Variants in DISP2 observed in about 807,000 individuals in gnomAD.
DISP2 encodes protein dispatched homolog 2.
DISP2 carries 59 observed loss-of-function variants against 95.5 expected under a neutral mutation model. The observed-to-expected ratio is 0.62, with a 90% CI of 0.50 to 0.77. DISP2 has a LOEUF of 0.77. Among genes scored for constraint, DISP2 ranks in the 30% least tolerant of loss-of-function variants. The probability of loss-of-function intolerance (pLI) is 0.00; values close to 1 mark genes in which losing one functional copy is unlikely to be tolerated. For synonymous variants in DISP2, 827 were observed against 815.0 expected (o/e 1.01, Z -0.25); for missense variants, 1,752 against 1,854.6 (o/e 0.94, Z 1.02).
At chr15:40,361,377 G>A (rs774823399) in intron 1 of DISP2, among the ~76,000 whole-genome samples, 5 of 152,350 alleles carry the variant, frequency 3.3e-5, no homozygotes, top group South Asian at 4.1e-4. Flanking sequence ...TGCACTGACC[G>A]TGGGAAGGGG....
chr15:40,364,392 A>T (rs1483239248), intron 3 of DISP2, 29 bp from the exon 4 acceptor site: 1 of 1,613,048 alleles, frequency 6.2e-7, no homozygotes, highest in South Asian at 1.1e-5. Flanking sequence ...ACCACACCCA[A>T]CTCATGTGGA....
At position 40,375,767 on chromosome 15, in the gene DISP2, TC is replaced by T. The variant is rs1889723934; in HGVS notation, c.*5450del. The stretch of plus-strand genomic sequence containing the variant: ...CTCCCCTACAAGGACATGAAGACTT[TC>T]TAGAAGGTAGGTGGACACAGATAGT... On this transcript the variant is annotated 3_prime_UTR_variant, in exon 8 of 8. Coordinates refer to ENST00000267889, the MANE Select transcript of DISP2 (RefSeq NM_033510.3). The T allele has an allele frequency of 1.3e-5, 2 of 152,186 alleles. No individual in the cohort carries two copies. The highest frequency in any genetic ancestry group is 2.9e-5 in the Non-Finnish European group (2 of 68,022). The allele number at this position is 152,186 out of a possible 1,614,324, so 9.4% of individuals were successfully genotyped here.
Position 40,368,326 on chromosome 15 carries a change from G to A in DISP2, c.2214G>A (p.Gln738=). 6.2e-7 allele frequency: 1 copy of A among 1,603,826 alleles called. No homozygotes were observed. Among genetic ancestry groups the A allele is most frequent in the Non-Finnish European group, 8.5e-7 (1 of 1,176,876 alleles). ...CCACGCTGCCGCCGCCCGGCGGCCA[G>A]GTCTTCCGGCCCAGCCACCCCTTCG... The part of the protein sequence containing the change: ...RLPTLPPPGG[Q]VFRPSHPFER... Residue 738 remains glutamine, a synonymous_variant, in exon 8 of 8, where the codon CAG becomes CAA. Coordinates refer to ENST00000267889, the MANE Select transcript of DISP2 (RefSeq NM_033510.3).
In DISP2 at chr15:40,367,600, G is replaced by A; in HGVS notation, c.1488G>A (p.Leu496=). The stretch of plus-strand genomic sequence containing the variant: ...ACACGGTGTACCCCTTGCTGGCTCT[G>A]GTTGCCATCTTCTTCGGCATGGCCC... ...VQDTVYPLLA[L]VAIFFGMALY... is the part of the protein sequence containing the mutation. Residue 496 remains leucine (L), a synonymous_variant, in exon 8 of 8, where the codon CTG becomes CTA. Coordinates refer to ENST00000267889, the MANE Select transcript of DISP2 (RefSeq NM_033510.3). 4 of 1,613,988 alleles carry A rather than the reference G, an allele frequency of 2.5e-6. No individual in the cohort carries two copies. The highest frequency in any genetic ancestry group is 3.4e-6 in the Non-Finnish European group (4 of 1,180,000).
rs1386803693 is a variant in DISP2 at position 40,367,868 on chromosome 15, A to G, written c.1756A>G (p.Met586Val). 6.3e-7 allele frequency: 1 copy of G among 1,599,966 alleles called. No homozygotes were observed. Among genetic ancestry groups the G allele is most frequent in the South Asian group, 1.1e-5 (1 of 90,990 alleles). ...GCTGGCGCAGCGCGTGGGCCGCACCATGCACCACTTCGGCTACCTGCTGCT... is the reference window on the plus strand; with the variant it reads ...GCTGGCGCAGCGCGTGGGCCGCACCGTGCACCACTTCGGCTACCTGCTGCT... ...GGLAQRVGRT[M>V]HHFGYLLLVS... is the part of the protein sequence containing the mutation. Residue 586 changes from methionine (M) to valine (V), a missense_variant, in exon 8 of 8, where the codon ATG (methionine) becomes GTG (valine). Coordinates refer to ENST00000267889, the MANE Select transcript of DISP2 (RefSeq NM_033510.3).
At chr15:40,362,492 C>T (rs1889420861) in intron 1 of DISP2, among the ~76,000 whole-genome samples, 1 of 152,010 alleles carries the variant, frequency 6.6e-6, no homozygotes, top group Admixed American at 6.6e-5. Flanking sequence ...CTGTGCAAGG[C>T]ACTACCAAGG....
At chr15:40,365,104 C>T (rs373579184) in intron 5 of DISP2, 43 bp from the exon 6 acceptor site, 2 of 1,604,072 alleles carry the variant, frequency 1.2e-6, no homozygotes, top group Non-Finnish European at 1.7e-6. Flanking sequence ...TCTGAGTCTT[C>T]CAACCCTAAT....
At position 40,367,814 on chromosome 15, in the gene DISP2, C is replaced by T. The variant is rs750601937; in HGVS notation, c.1702C>T (p.Leu568Phe). 2 of 1,604,512 alleles carry T rather than the reference C, an allele frequency of 1.2e-6. No homozygotes were observed. The highest frequency in any genetic ancestry group is 1.7e-6 in the Non-Finnish European group (2 of 1,179,972). Residue 568 changes from leucine to phenylalanine, a missense_variant, in exon 8 of 8, where the codon CTT becomes TTT. Transcript: ENST00000267889. Reference protein sequence around the residue: ...HTLIFFDLWRLSKSQLPSGGL... With the variant: ...HTLIFFDLWRFSKSQLPSGGL... ...GCTCATCTTCTTCGACCTGTGGCGC[C>T]TTAGCAAGAGCCAGCTGCCGTCGGG... is the stretch of plus-strand genomic sequence containing the variant.
Position 40,368,210 on chromosome 15 carries a change from A to T in DISP2, c.2098A>T (p.Ile700Phe). 1 of 1,609,556 alleles carries T rather than the reference A, an allele frequency of 6.2e-7. No homozygotes were observed. Among genetic ancestry groups the T allele is most frequent in the Non-Finnish European group, 8.5e-7 (1 of 1,178,932 alleles). The change falls in exon 8 of 8, where the codon ATC (isoleucine) becomes TTC (phenylalanine). Residue 700 changes from isoleucine to phenylalanine, a missense_variant. Ile to Phe is a conservative substitution (Grantham distance 21). Coordinates refer to ENST00000267889, the MANE Select transcript of DISP2 (RefSeq NM_033510.3). ...LFQRLLPCGV[I>F]KFRYIWICWF... Reference sequence around the variant, plus strand: ...CCAGCGCCTGCTGCCCTGCGGCGTCATCAAGTTCCGCTACATCTGGATCTG... The same window carrying T: ...CCAGCGCCTGCTGCCCTGCGGCGTCTTCAAGTTCCGCTACATCTGGATCTG...
rs4514650 is a variant in DISP2 at position 40,370,300 on chromosome 15, G to A, written c.4188G>A (p.Thr1396=). The change falls in exon 8 of 8, where the codon ACG becomes ACA. Residue 1396 remains threonine, a synonymous_variant. Transcript: ENST00000267889. ...GGCTGCGCAGGCCCAGCACTCACAC[G>A]TCAGGCTATAGCAGCTGAGGGGGAC... ...DVWLRRPSTH[T]SGYSS 189,209 of 1,541,716 alleles carry A rather than the reference G, an allele frequency of 0.12. 19,290 individuals are homozygous for A. The highest frequency in any genetic ancestry group is 0.56 in the East Asian group (24,587 of 44,164).
In DISP2 at chr15:40,368,054, C is replaced by G. The variant is rs999588181; in HGVS notation, c.1942C>G (p.Leu648Val). ...PASAVLHERY[L>V]ARGCARRARG... Reference sequence around the variant, plus strand: ...CTCCGCCGTGCTCCACGAGCGCTACCTGGCGCGCGGCTGTGCGCGCCGGGC... The same window carrying G: ...CTCCGCCGTGCTCCACGAGCGCTACGTGGCGCGCGGCTGTGCGCGCCGGGC... Residue 648 changes from leucine to valine, a missense_variant, in exon 8 of 8, where the codon CTG (leucine) becomes GTG (valine). Around this residue, in one of 5 missense-constraint regions of DISP2, gnomAD observed 732 missense variants for 714.6 expected, o/e 1.02. Coordinates refer to ENST00000267889, the MANE Select transcript of DISP2 (RefSeq NM_033510.3). 1.3e-6 allele frequency: 2 copies of G among 1,516,240 alleles called. No homozygotes were observed. The highest frequency in any genetic ancestry group is 1.4e-5 in the African/African-American group (1 of 71,294). The allele number at this position is 1,516,240 out of a possible 1,614,324, so 93.9% of individuals were successfully genotyped here. A position where few individuals can be genotyped will look rare whatever the true frequency, so the allele number is the denominator to read the frequency against.
intron 1 of DISP2, among the ~76,000 whole-genome samples, chr15:40,362,771 G>A (rs1889425090): frequency 6.6e-6 from 1 of 152,206 alleles, no homozygotes; most frequent in Admixed American, 6.5e-5. Context: ...TATCGGGGGG[G>A]ATAGAGCAAC....
chr15:40,369,720 G>A lies in DISP2; in HGVS notation c.3608G>A (p.Cys1203Tyr). 3 of 1,610,746 alleles carry A rather than the reference G, an allele frequency of 1.9e-6. No homozygotes were observed. Among genetic ancestry groups the A allele is most frequent in the Middle Eastern group, 1.7e-4 (1 of 6,060 alleles). Residue 1203 changes from cysteine (C) to tyrosine (Y), a missense_variant, in exon 8 of 8, where the codon TGC (cysteine) becomes TAC (tyrosine). This residue lies in a region of DISP2 where 347 missense variants were observed against 344.2 expected (regional missense o/e 1.01). Coordinates refer to ENST00000267889, the MANE Select transcript of DISP2 (RefSeq NM_033510.3). ...GATCTGCAGCTCCATGATGGTCCGT[G>A]CTGTTCCCGGCCCCCACCAGCCCCT... ...SEDLQLHDGP[C>Y]CSRPPPAPAS...
rs1889673724 is a variant in DISP2, at chr15:40,373,138, G to A, written c.*2820G>A. The A allele has an allele frequency of 6.6e-6, 1 of 152,200 alleles. No homozygotes were observed. Among genetic ancestry groups the A allele is most frequent in the Non-Finnish European group, 1.5e-5 (1 of 68,042 alleles). 9.4% of individuals were successfully genotyped at this position (152,200 alleles called of 1,614,324 possible). Reference sequence around the variant, plus strand: ...TTAAAGCACTTCCTATTTCCTTTGAGTTGCAGCAGATCCTTTGCTTTATTA... The same window carrying A: ...TTAAAGCACTTCCTATTTCCTTTGAATTGCAGCAGATCCTTTGCTTTATTA... On this transcript the variant is annotated 3_prime_UTR_variant, in exon 8 of 8. Transcript: ENST00000267889.
Position 40,371,537 on chromosome 15 carries a change from G to A in DISP2, c.*1219G>A, listed in dbSNP as rs1163831324. 1.3e-5 allele frequency: 2 copies of A among 152,268 alleles called. No homozygotes were observed. The highest frequency in any genetic ancestry group is 2.9e-5 in the Non-Finnish European group (2 of 68,076). The allele number at this position is 152,268 out of a possible 1,614,324, so 9.4% of individuals were successfully genotyped here. A position where few individuals can be genotyped will look rare whatever the true frequency, so the allele number is the denominator to read the frequency against. ...AGAAGAGGTACTGAGGGGCAGAAGA[G>A]GTGAAGCCAAATCCAATCAAGGCAG... On this transcript the variant is annotated 3_prime_UTR_variant, in exon 8 of 8. Coordinates refer to ENST00000267889, the MANE Select transcript of DISP2 (RefSeq NM_033510.3).
chr15:40,364,356 G>A (rs1889459401), intron 3 of DISP2, 65 bp from the exon 4 acceptor site: 2 of 1,613,332 alleles, frequency 1.2e-6, no homozygotes, highest in Admixed American at 3.3e-5. Flanking sequence ...CCTTCTGGGT[G>A]GAGCCTGAGC....
intron 7 of DISP2, among the ~76,000 whole-genome samples, 193 bp downstream of exon 7, chr15:40,365,918 G>A (rs1889491552): frequency 6.6e-6 from 1 of 152,232 alleles, no homozygotes; most frequent in South Asian, 2.1e-4. Context: ...GCTGTTTTTA[G>A]AAGAGCCAAG....
rs747083128 is a variant in DISP2, at chr15:40,367,827, A to T, written c.1715A>T (p.Gln572Leu). 6.2e-7 allele frequency: 1 copy of T among 1,602,760 alleles called. No individual in the cohort carries two copies. The part of the protein sequence containing the change: ...FFDLWRLSKS[Q>L]LPSGGLAQRV... ...GACCTGTGGCGCCTTAGCAAGAGCCAGCTGCCGTCGGGGGGGCTGGCGCAG... is the reference window on the plus strand; with the variant it reads ...GACCTGTGGCGCCTTAGCAAGAGCCTGCTGCCGTCGGGGGGGCTGGCGCAG... Residue 572 changes from glutamine (Q) to leucine (L), a missense_variant, in exon 8 of 8, where the codon CAG becomes CTG. This residue lies in a region of DISP2 where 732 missense variants were observed against 714.6 expected (regional missense o/e 1.02). Coordinates refer to ENST00000267889, the MANE Select transcript of DISP2 (RefSeq NM_033510.3).
At position 40,363,937 on chromosome 15, in the gene DISP2, C is replaced by A; in HGVS notation, c.432C>A (p.His144Gln). The change falls in exon 2 of 8, where the codon CAC (histidine) becomes CAA (glutamine). Residue 144 changes from histidine to glutamine, a missense_variant. Transcript: ENST00000267889. Reference sequence around the variant, plus strand: ...CCTGGAAGCCACCCGCTGTGCAGCACCATGTGGTCAGCGTCAGGTAAGGAG... The same window carrying A: ...CCTGGAAGCCACCCGCTGTGCAGCAACATGTGGTCAGCGTCAGGTAAGGAG... ...DGTWKPPAVQ[H>Q]HVVSVRQERA... 1.3e-6 allele frequency: 2 copies of A among 1,535,042 alleles called. No individual in the cohort carries two copies. The highest frequency in any genetic ancestry group is 8.8e-7 in the Non-Finnish European group (1 of 1,141,564).
Sources: gnomAD v4.1 joint callset for allele counts (sites outside exome capture counted in the v4.1 genomes callset) on GRCh38, gnomAD v4.1.1 for gene constraint, gnomAD v4.1.1 regional missense constraint, MANE v1.5 for transcripts, NCBI Gene and HGNC (gene_info 2026-07-23, HGNC 2026-07-21) for gene names.